Variants in CAPN8 observed in about 807,000 individuals in gnomAD.
CAPN8 encodes the protein calpain 8.
In CAPN8, 87 loss-of-function variants were observed where a neutral mutation model predicts 80.9. The observed-to-expected ratio is 1.07, with a 90% CI of 0.90 to 1.28. The LOEUF is 1.28. Among genes scored for constraint, CAPN8 ranks in the 50% most tolerant of loss-of-function variants. The pLI is 0.00. For synonymous variants in CAPN8, 299 were observed against 273.8 expected, an observed-to-expected ratio of 1.09 and a Z score of -0.91; for missense variants, 757 against 702.0, an observed-to-expected ratio of 1.08 and a Z score of -0.89.
chr1:223,651,905 A>G (rs1248944193), intron 2 of CAPN8, among the ~76,000 whole-genome samples: 3 of 152,232 alleles, frequency 2.0e-5, no homozygotes, highest in African/African-American at 7.2e-5. Flanking sequence ...ATGTACTTAG[A>G]TTTGCTTGAA....
At chr1:223,623,893 G>A (rs571379418) in intron 6 of CAPN8, among the ~76,000 whole-genome samples, 75 of 151,738 alleles carry the variant, frequency 4.9e-4, no homozygotes, top group Non-Finnish European at 9.0e-4. Context: ...CCAGCTACTC[G>A]GGAGGCTGAG....
At chr1:223,661,599 C>T (rs1414430495) in intron 1 of CAPN8, among the ~76,000 whole-genome samples, 1 of 152,014 alleles carries the variant, frequency 6.6e-6, no homozygotes, top group Admixed American at 6.6e-5. Flanking sequence ...CATTGTACTC[C>T]GGCCTGGGTG....
chr1:223,545,272 C>T lies in CAPN8; in HGVS notation c.1792G>A (p.Val598Met). ...TTCAGCCAGAGCGTCTTGAATTCCA[C>T]CGCCCCCAAAGTGCCCGTTCCATTG... ...DSNGTGTLGA[V>M]EFKTLWLKIQ... Residue 598 changes from valine (V) to methionine (M), a missense_variant, in exon 17 of 21, where the codon GTG becomes ATG. Transcript: ENST00000366872. The T allele has an allele frequency of 6.4e-7, 1 of 1,551,654 alleles. No homozygotes were observed. Among genetic ancestry groups the T allele is most frequent in the Non-Finnish European group, 8.7e-7 (1 of 1,146,944 alleles).
At chr1:223,609,802 C>G (rs1294426377) in intron 11 of CAPN8, among the ~76,000 whole-genome samples, 1 of 152,228 alleles carries the variant, frequency 6.6e-6, no homozygotes, top group Non-Finnish European at 1.5e-5. Context: ...AAAGCTGCCA[C>G]AAAAACTTGT....
intron 2 of CAPN8, among the ~76,000 whole-genome samples, chr1:223,638,503 C>A (rs2102722827): frequency 6.6e-6 from 1 of 152,196 alleles, no homozygotes; most frequent in South Asian, 2.1e-4. Flanking sequence ...GTTTAATGTT[C>A]CCCCGTGGGT....
intron 13 of CAPN8, among the ~76,000 whole-genome samples, chr1:223,555,701 A>T (rs1656889060): frequency 6.6e-6 from 1 of 152,186 alleles, no homozygotes; most frequent in Non-Finnish European, 1.5e-5. Flanking sequence ...ACAACAAAAC[A>T]GTATATGGAT....
chr1:223,611,326 A>C (rs1007105227), intron 11 of CAPN8, among the ~76,000 whole-genome samples: 33 of 152,248 alleles, frequency 2.2e-4, no homozygotes, highest in Non-Finnish European at 2.8e-4. Context: ...GTGCCCTATC[A>C]GTTTACTGTT....
At chr1:223,620,120 C>T (rs910970685) in intron 8 of CAPN8, 72 bp downstream of exon 8, 4 of 1,300,698 alleles carry the variant, frequency 3.1e-6, no homozygotes, top group Non-Finnish European at 4.4e-6. Flanking sequence ...ACCCAGAGAC[C>T]TAGAGTTCAC....
At chr1:223,660,174 T>A (rs1658607595) in intron 1 of CAPN8, among the ~76,000 whole-genome samples, 1 of 152,194 alleles carries the variant, frequency 6.6e-6, no homozygotes, top group Non-Finnish European at 1.5e-5. Flanking sequence ...GCAGCTGACA[T>A]CACTTCATTG....
rs146155980 is a variant in CAPN8, at chr1:223,618,363, G to A, written c.1135+930C>T. Reference sequence around the variant, plus strand: ...CCAGGTGAGGACCCAGGGTTAGTGCGGAGGCCATGCTTTGCACCATACTAT... The same window carrying A: ...CCAGGTGAGGACCCAGGGTTAGTGCAGAGGCCATGCTTTGCACCATACTAT... On this transcript the variant is annotated intron_variant, in intron 9 of 20. Coordinates refer to ENST00000366872, the MANE Select transcript of CAPN8 (RefSeq NM_001143962.2). 163 of 1,529,848 alleles carry A rather than the reference G, an allele frequency of 1.1e-4. No individual in the cohort carries two copies. In the East Asian group the frequency reaches 2.5e-3, roughly 23 times the overall value. 94.8% of individuals were successfully genotyped at this position (1,529,848 alleles called of 1,614,324 possible). A position where few individuals can be genotyped will look rare whatever the true frequency, so the allele number is the denominator to read the frequency against.
intron 1 of CAPN8, among the ~76,000 whole-genome samples, chr1:223,657,347 GA>G (rs987910562): frequency 1.8e-3 from 271 of 152,026 alleles, no homozygotes; most frequent in African/African-American, 6.5e-3. Flanking sequence ...AAAAGAAAGA[GA>G]AAAAAATTTT....
intron 1 of CAPN8, among the ~76,000 whole-genome samples, chr1:223,661,181 A>T (rs1450046014): frequency 6.6e-6 from 1 of 151,730 alleles, no homozygotes; most frequent in Admixed American, 6.6e-5. Flanking sequence ...AAAAAAAAAA[A>T]AGGCAAAGAA....
rs545976196 is a variant in CAPN8, at chr1:223,641,830, C to A, written c.307+12500G>T. ...CTATTTGTTCTCCGCTGTTTCCTGG[C>A]ATGAAGAAGACATTTGATAAATATT... On this transcript the variant is annotated intron_variant, in intron 2 of 20. Transcript: ENST00000366872. 6.6e-5 allele frequency among the ~76,000 whole-genome samples: 10 copies of A among 152,288 alleles called. No individual in the cohort carries two copies. The East Asian group carries it at 1.7e-3, about 26-fold the overall frequency.
At chr1:223,654,261 GATGTTTACTC>G in intron 2 of CAPN8, 59 bp downstream of exon 2, 1 of 1,329,582 alleles carries the variant, frequency 7.5e-7, no homozygotes. Flanking sequence ...AGCTTCATCT[GATGTTTACTC>G]ATGACACATA....
At chr1:223,624,413 G>A (rs768807354) in intron 6 of CAPN8, among the ~76,000 whole-genome samples, 3 of 152,086 alleles carry the variant, frequency 2.0e-5, no homozygotes, top group Non-Finnish European at 4.4e-5. Context: ...TCTTTTAATG[G>A]TAAACCACTA....
chr1:223,547,362 G>A (rs1015021110), intron 16 of CAPN8, among the ~76,000 whole-genome samples: 2 of 152,120 alleles, frequency 1.3e-5, no homozygotes, highest in East Asian at 3.8e-4. Context: ...AATTACAAAG[G>A]ACCACATATT....
intron 14 of CAPN8, among the ~76,000 whole-genome samples, chr1:223,553,275 A>G (rs1165467522): frequency 1.3e-5 from 2 of 152,180 alleles, no homozygotes; most frequent in African/African-American, 2.4e-5. Context: ...GAGAAGGATC[A>G]GGGGTCGCTT....
At chr1:223,635,616 T>C (rs549063702) in intron 2 of CAPN8, among the ~76,000 whole-genome samples, 22 of 150,202 alleles carry the variant, frequency 1.5e-4, no homozygotes, top group Non-Finnish European at 2.8e-4. Context: ...CCTTGAGTAG[T>C]CTATCACTAG....
At position 223,626,980 on chromosome 1, in the gene CAPN8, A is replaced by T. The variant is rs67990281; in HGVS notation, c.729+9T>A. 297,941 of 1,549,204 alleles carry T rather than the reference A, an allele frequency of 0.19. 29,923 individuals are homozygous for T. The highest frequency in any genetic ancestry group is 0.2 in the Middle Eastern group (1,220 of 5,972). ...GGAGGTGGGGCAGTAGAGAAGCCAT[A>T]TGCCTCACATCAATGGAGCAGCCCA... On this transcript the variant is annotated intron_variant, in intron 5 of 20. Coordinates refer to ENST00000366872, the MANE Select transcript of CAPN8 (RefSeq NM_001143962.2).
Sources: gnomAD v4.1 joint callset for allele counts (sites outside exome capture counted in the v4.1 genomes callset) on GRCh38, gnomAD v4.1.1 for gene constraint, MANE v1.5 for transcripts, NCBI Gene and HGNC (gene_info 2026-07-23, HGNC 2026-07-21) for gene names.